PLXNA4: variants seen among roughly 807,000 people sequenced by gnomAD.
PLXNA4 encodes plexin A4, also known as plexin-A4.
In PLXNA4, 44 loss-of-function variants were observed where a neutral mutation model predicts 191.8. The ratio of observed to expected loss-of-function variants is 0.23; its 90% CI spans 0.18 to 0.29. PLXNA4 has a LOEUF of 0.29. Among genes scored for constraint, PLXNA4 ranks in the 10% least tolerant of loss-of-function variants. PLXNA4 has a pLI of 1.00. For synonymous variants in PLXNA4, 1,082 were observed against 1,009.5 expected (o/e 1.07, Z -1.36); for missense variants, 1,800 against 2,488.8 (o/e 0.72, Z 5.89).
At chr7:132,396,992 C>A (rs114757135) in intron 3 of PLXNA4, among the ~76,000 whole-genome samples, 3 of 152,234 alleles carry the variant, frequency 2.0e-5, no homozygotes, top group Non-Finnish European at 4.4e-5. Flanking sequence ...GCCCCAAGAT[C>A]CAGACCCAGA....
intron 3 of PLXNA4, among the ~76,000 whole-genome samples, chr7:132,446,140 C>T (rs371985670): frequency 2.6e-5 from 4 of 152,176 alleles, no homozygotes; most frequent in Non-Finnish European, 5.9e-5. Flanking sequence ...CTGAGCTACA[C>T]GTGGATAACA....
chr7:132,472,908 G>C (rs1796983349), intron 3 of PLXNA4, among the ~76,000 whole-genome samples: 1 of 152,226 alleles, frequency 6.6e-6, no homozygotes, highest in Admixed American at 6.5e-5. Flanking sequence ...ACAGTGAGCT[G>C]AAGTTCCAGG....
rs146545484 is a variant in PLXNA4, at chr7:132,540,504, T to C, written c.-86-31725A>G. Among the ~76,000 whole-genome samples, 1,275 of 147,092 alleles carry C rather than the reference T, an allele frequency of 8.7e-3. 22 individuals are homozygous for C. The highest frequency in any genetic ancestry group is 0.03 in the African/African-American group (1,224 of 40,232). Reference sequence around the variant, plus strand: ...GGTGTTAGTAGGAATTCCCCAAATTTCCCCAAAGTTCATACAGGAAATGGA... The same window carrying C: ...GGTGTTAGTAGGAATTCCCCAAATTCCCCCAAAGTTCATACAGGAAATGGA... On this transcript the variant is annotated intron_variant, in intron 1 of 31. Coordinates refer to ENST00000321063, the MANE Select transcript of PLXNA4 (RefSeq NM_020911.2).
chr7:132,501,411 T>C (rs1165778006), intron 2 of PLXNA4, among the ~76,000 whole-genome samples: 1 of 152,068 alleles, frequency 6.6e-6, no homozygotes, highest in Non-Finnish European at 1.5e-5. Flanking sequence ...AAACCTGACT[T>C]TGTGCTAAGC....
intron 11 of PLXNA4, 27 bp downstream of exon 11, chr7:132,203,296 C>T: frequency 1.9e-6 from 3 of 1,590,968 alleles, no homozygotes; most frequent in Non-Finnish European, 2.6e-6. Context: ...CCCCTCCCTC[C>T]CCTGCTAGGC....
At chr7:132,637,652 C>T (rs1803634724) in intron 2 of PLXNA4, among the ~76,000 whole-genome samples, 2 of 152,232 alleles carry the variant, frequency 1.3e-5, no homozygotes, top group South Asian at 4.1e-4. Context: ...TAGCATTGGC[C>T]TGTCCTATGC....
At chr7:132,460,470 T>C (rs1304260443) in intron 3 of PLXNA4, among the ~76,000 whole-genome samples, 2 of 152,118 alleles carry the variant, frequency 1.3e-5, no homozygotes, top group Non-Finnish European at 2.9e-5. Context: ...CTCCTGTGGC[T>C]CTGTGGGGTC....
At chr7:132,327,218 C>A (rs531400911) in intron 3 of PLXNA4, among the ~76,000 whole-genome samples, 1 of 151,356 alleles carries the variant, frequency 6.6e-6, no homozygotes, top group South Asian at 2.1e-4. Flanking sequence ...GGCAGCTTTG[C>A]AACCCCAGGC....
Position 132,433,484 on chromosome 7 carries a change from G to A in PLXNA4, c.1371+55808C>T, listed in dbSNP as rs547477195. Among the ~76,000 whole-genome samples, 7 of 152,272 alleles carry A rather than the reference G, an allele frequency of 4.6e-5. No individual in the cohort carries two copies. The East Asian group carries it at 9.7e-4, about 21-fold the overall frequency. On this transcript the variant is annotated intron_variant, in intron 3 of 31. Coordinates refer to ENST00000321063, the MANE Select transcript of PLXNA4 (RefSeq NM_020911.2). Reference sequence around the variant, plus strand: ...ATGTGGCCACGGCCACAGCAGAACTGTTCTAAGATAGGGCGTCTTTCTGAG... The same window carrying A: ...ATGTGGCCACGGCCACAGCAGAACTATTCTAAGATAGGGCGTCTTTCTGAG...
chr7:132,481,084 G>C (rs368603177), intron 3 of PLXNA4, among the ~76,000 whole-genome samples: 1 of 152,156 alleles, frequency 6.6e-6, no homozygotes, highest in East Asian at 1.9e-4. Flanking sequence ...GGTGACAAGG[G>C]TGAGAGGATT....
chr7:132,127,413 C>T lies in PLXNA4; in HGVS notation c.*3066G>A, dbSNP rs1223921456. 1.3e-5 allele frequency: 2 copies of T among 152,098 alleles called. No individual in the cohort carries two copies. The highest frequency in any genetic ancestry group is 2.4e-5 in the African/African-American group (1 of 41,390). 9.4% of individuals were successfully genotyped at this position (152,098 alleles called of 1,614,324 possible). On this transcript the variant is annotated 3_prime_UTR_variant, in exon 32 of 32. Coordinates refer to ENST00000321063, the MANE Select transcript of PLXNA4 (RefSeq NM_020911.2). ...GGAGCCCGCAAGCCACATGGACAGC[C>T]CCTGGATGTTTGCTCTGCCAGTGGG...
At chr7:132,156,932 A>G (rs1288995364) in intron 25 of PLXNA4, among the ~76,000 whole-genome samples, 1 of 152,136 alleles carries the variant, frequency 6.6e-6, no homozygotes, top group East Asian at 1.9e-4. Context: ...AAAAAAGGGA[A>G]CTTCTCAGAA....
intron 3 of PLXNA4, among the ~76,000 whole-genome samples, chr7:132,382,259 C>CA (rs1159961572): frequency 1.3e-5 from 2 of 152,158 alleles, no homozygotes; most frequent in Non-Finnish European, 2.9e-5. Flanking sequence ...TTGCAGGAGT[C>CA]AGAAAGACGC....
At chr7:132,349,951 A>C (rs899903888) in intron 3 of PLXNA4, among the ~76,000 whole-genome samples, 26 of 152,020 alleles carry the variant, frequency 1.7e-4, no homozygotes, top group Non-Finnish European at 3.2e-4. Context: ...GTACCATCCC[A>C]AAAATGGAGG....
At chr7:132,440,645 T>A (rs192192711) in intron 3 of PLXNA4, among the ~76,000 whole-genome samples, 39 of 152,372 alleles carry the variant, frequency 2.6e-4, no homozygotes, top group African/African-American at 9.4e-4. Context: ...CAGTTTTTTT[T>A]AAGGGCCCTC....
At chr7:132,402,639 T>C (rs1346773364) in intron 3 of PLXNA4, among the ~76,000 whole-genome samples, 1 of 152,198 alleles carries the variant, frequency 6.6e-6, no homozygotes, top group Non-Finnish European at 1.5e-5. Flanking sequence ...TCTCACCTTG[T>C]AGCACTGGCC....
chr7:132,561,571 T>TCCTCCTCCTTC (rs1801078176), intron 1 of PLXNA4, among the ~76,000 whole-genome samples: 2 of 26,806 alleles, frequency 7.5e-5, no homozygotes, highest in African/African-American at 1.8e-4. Flanking sequence ...CCTCCTCCTT[T>TCCTCCTCCTTC]CCCCTCCTCC....
intron 31 of PLXNA4, 41 bp from the exon 32 acceptor site, chr7:132,130,615 G>A (rs1794899692): frequency 1.2e-6 from 2 of 1,613,336 alleles, no homozygotes; most frequent in Admixed American, 1.7e-5. Flanking sequence ...TCATTTGTGT[G>A]TACAGGTCTG....
chr7:132,146,479 G>C, intron 28 of PLXNA4, 31 bp downstream of exon 28: 1 of 1,614,126 alleles, frequency 6.2e-7, no homozygotes, highest in Non-Finnish European at 8.5e-7. Flanking sequence ...TAGCCTCTGG[G>C]CTCCCTGCAC....
Sources: gnomAD v4.1 joint callset for allele counts (sites outside exome capture counted in the v4.1 genomes callset) on GRCh38, gnomAD v4.1.1 for gene constraint, MANE v1.5 for transcripts, NCBI Gene and HGNC (gene_info 2026-07-23, HGNC 2026-07-21) for gene names.